PVT1: variants seen among roughly 807,000 people sequenced by gnomAD.
The protein encoded by PVT1 is Pvt1 oncogene, also known as CXCR4/PVT1 fusion.
chr8:127,813,763 C>T (rs1814627277), intron 2 of PVT1, among the ~76,000 whole-genome samples: 1 of 152,124 alleles, frequency 6.6e-6, no homozygotes, highest in South Asian at 2.1e-4. Flanking sequence ...ACATGGTCAC[C>T]CTCAAACCAA....
chr8:128,038,174 G>A (rs534844798), intron 4 of PVT1, among the ~76,000 whole-genome samples: 30 of 152,274 alleles, frequency 2.0e-4, no homozygotes, highest in African/African-American at 6.0e-4. Flanking sequence ...GAGGACCCCC[G>A]TGGAGGAGTC....
chr8:127,999,500 C>T (rs1015366219), intron 4 of PVT1, among the ~76,000 whole-genome samples: 4 of 149,832 alleles, frequency 2.7e-5, no homozygotes, highest in East Asian at 2.0e-4. Context: ...CTCACACTTT[C>T]GCCCAAGCTG....
chr8:128,002,207 C>T (rs1281273404), intron 4 of PVT1, among the ~76,000 whole-genome samples: 2 of 152,182 alleles, frequency 1.3e-5, no homozygotes, highest in South Asian at 2.1e-4. Context: ...CCAACAGGCG[C>T]CTGAGTCTCA....
At chr8:127,902,867 T>C (rs1170670869) in intron 3 of PVT1, among the ~76,000 whole-genome samples, 2 of 152,220 alleles carry the variant, frequency 1.3e-5, no homozygotes, top group East Asian at 3.8e-4. Context: ...TCCATGTCTT[T>C]GCTATTGTGA....
At chr8:127,837,450 G>C (rs1814922950) in intron 2 of PVT1, among the ~76,000 whole-genome samples, 1 of 151,554 alleles carries the variant, frequency 6.6e-6, no homozygotes, top group African/African-American at 2.4e-5. Context: ...CCTCATAATG[G>C]CTTCATGAAC....
chr8:127,856,129 GGAAGAA>G (rs1815157198), intron 2 of PVT1, among the ~76,000 whole-genome samples: 1 of 152,190 alleles, frequency 6.6e-6, no homozygotes, highest in Non-Finnish European at 1.5e-5. Flanking sequence ...TTCTCTGAAA[GGAAGAA>G]TTTCCATACC....
intron 2 of PVT1, among the ~76,000 whole-genome samples, chr8:127,805,513 C>T (rs1814516651): frequency 6.6e-6 from 1 of 152,000 alleles, no homozygotes; most frequent in South Asian, 2.1e-4. Flanking sequence ...TTTTGCTGTC[C>T]GTGATGCACT....
intron 2 of PVT1, among the ~76,000 whole-genome samples, chr8:127,825,951 A>G (rs564150843): frequency 1.3e-5 from 2 of 150,286 alleles, no homozygotes; most frequent in East Asian, 3.9e-4. Flanking sequence ...CCTGGGCTCA[A>G]TGGATTCTCT....
intron 3 of PVT1, among the ~76,000 whole-genome samples, chr8:127,985,801 A>G (rs1453288993): frequency 6.6e-6 from 1 of 152,070 alleles, no homozygotes; most frequent in African/African-American, 2.4e-5. Context: ...TACCTCCATG[A>G]TCTATTTGCA....
chr8:127,908,997 A>G (rs1017257915), intron 3 of PVT1, among the ~76,000 whole-genome samples: 2 of 152,162 alleles, frequency 1.3e-5, no homozygotes, highest in Non-Finnish European at 2.9e-5. Flanking sequence ...CTCTTAGCTT[A>G]TAGACGCTGC....
At chr8:127,841,387 C>T (rs976655106) in intron 2 of PVT1, among the ~76,000 whole-genome samples, 1 of 152,058 alleles carries the variant, frequency 6.6e-6, no homozygotes, top group African/African-American at 2.4e-5. Context: ...GATCTTCCCG[C>T]CTCAGCCTCT....
intron 4 of PVT1, among the ~76,000 whole-genome samples, chr8:128,002,258 C>T (rs531897996): frequency 1.3e-5 from 2 of 152,194 alleles, no homozygotes; most frequent in Non-Finnish European, 2.9e-5. Context: ...GGGCCCACCT[C>T]GGTTCCCAGG....
chr8:127,874,703 G>T (rs1815386295), intron 2 of PVT1, among the ~76,000 whole-genome samples: 1 of 152,202 alleles, frequency 6.6e-6, no homozygotes, highest in African/African-American at 2.4e-5. Flanking sequence ...GTTTGAGACA[G>T]AAGTGAAGCA....
chr8:127,826,859 C>G (rs1301028196), intron 2 of PVT1, among the ~76,000 whole-genome samples: 2 of 152,130 alleles, frequency 1.3e-5, no homozygotes, highest in Non-Finnish European at 2.9e-5. Context: ...TCTTTGAAAG[C>G]CAATCCTGCT....
chr8:128,047,030 C>G (rs1390225287), intron 4 of PVT1, among the ~76,000 whole-genome samples: 1 of 152,178 alleles, frequency 6.6e-6, no homozygotes, highest in East Asian at 1.9e-4. Context: ...CTACTTTGTT[C>G]CAGCCATGGA....
chr8:127,830,430 T>A (rs899503957), intron 2 of PVT1, among the ~76,000 whole-genome samples: 1 of 148,804 alleles, frequency 6.7e-6, no homozygotes, highest in African/African-American at 2.5e-5. Context: ...GGGGAAACCA[T>A]ATTGCTTTAT....
At chr8:128,027,801 AATTT>A (rs1813330348) in intron 4 of PVT1, among the ~76,000 whole-genome samples, 1 of 152,126 alleles carries the variant, frequency 6.6e-6, no homozygotes, top group Non-Finnish European at 1.5e-5. Context: ...TGACTCAATG[AATTT>A]CCCAGAATGC....
At chr8:128,100,567 G>C (rs916140818) in intron 6 of PVT1, among the ~76,000 whole-genome samples, 5 of 152,210 alleles carry the variant, frequency 3.3e-5, no homozygotes, top group African/African-American at 1.2e-4. Flanking sequence ...TTCTGACAAA[G>C]GCCTTGAGAT....
chr8:128,056,787 C>G (rs1018385652), intron 4 of PVT1, among the ~76,000 whole-genome samples: 2 of 152,214 alleles, frequency 1.3e-5, no homozygotes, highest in Non-Finnish European at 2.9e-5. Flanking sequence ...TCACGAGTTG[C>G]TCCGGGGTGA....
Sources: gnomAD v4.1 joint callset for allele counts (sites outside exome capture counted in the v4.1 genomes callset) on GRCh38, gnomAD v4.1.1 for gene constraint, MANE v1.5 for transcripts, NCBI Gene and HGNC (gene_info 2026-07-23, HGNC 2026-07-21) for gene names.